FHIT: variants seen among roughly 807,000 people sequenced by gnomAD.
The protein encoded by FHIT is bis(5'-adenosyl)-triphosphatase.
Under a neutral mutation model 17.9 loss-of-function variants are expected in FHIT, and 19 were observed. The ratio of observed to expected loss-of-function variants is 1.06; its 90% CI spans 0.74 to 1.56. The LOEUF is 1.56. Ranked by LOEUF, FHIT falls within the 40% of genes most tolerant of loss-of-function variation. The pLI, the probability that FHIT is intolerant of heterozygous loss-of-function variation, is 0.00. For synonymous variants in FHIT, 81 were observed against 69.7 expected, an observed-to-expected ratio of 1.16 and a Z score of -0.81; for missense variants, 248 against 189.2, an observed-to-expected ratio of 1.31 and a Z score of -1.82.
At chr3:61,149,290 C>T (rs967651600) in intron 2 of FHIT, among the ~76,000 whole-genome samples, 1 of 152,026 alleles carries the variant, frequency 6.6e-6, no homozygotes, top group Admixed American at 6.6e-5. Flanking sequence ...ATGACAAGGA[C>T]AACCTTCTGA....
intron 2 of FHIT, among the ~76,000 whole-genome samples, chr3:61,126,055 C>T (rs903659821): frequency 1.3e-5 from 2 of 152,112 alleles, no homozygotes; most frequent in Admixed American, 6.5e-5. Context: ...GGAGCTGGGG[C>T]TGGGTTGGGA....
chr3:61,034,326 A>G (rs78352990), intron 3 of FHIT, among the ~76,000 whole-genome samples: 1 of 152,246 alleles, frequency 6.6e-6, no homozygotes, highest in South Asian at 2.1e-4. Context: ...ATGAAAAGAC[A>G]ATCTACAGAG....
At chr3:60,129,049 G>GTTTTTTTTTTTTTTTT (rs1553692328) in intron 5 of FHIT, among the ~76,000 whole-genome samples, 2 of 121,042 alleles carry the variant, frequency 1.7e-5, no homozygotes, top group Non-Finnish European at 1.6e-5. Flanking sequence ...TTCCTTTTTT[G>GTTTTTTTTTTTTTTTT]TTTGTTTTTT....
intron 5 of FHIT, among the ~76,000 whole-genome samples, chr3:60,390,995 C>G (rs1223678176): frequency 6.6e-6 from 1 of 152,054 alleles, no homozygotes; most frequent in Non-Finnish European, 1.5e-5. Flanking sequence ...GCCTGGCCAA[C>G]ATGGTGAAAC....
At chr3:60,504,333 C>T (rs551832452) in intron 5 of FHIT, among the ~76,000 whole-genome samples, 121 of 152,028 alleles carry the variant, frequency 8.0e-4, no homozygotes, top group African/African-American at 2.8e-3. Context: ...ACTCGGGAGG[C>T]TGAGGCAGGA....
At chr3:60,483,688 A>G (rs1447352598) in intron 5 of FHIT, among the ~76,000 whole-genome samples, 25 of 152,194 alleles carry the variant, frequency 1.6e-4, no homozygotes, top group Admixed American at 1.4e-3. Flanking sequence ...TCAAAATAAT[A>G]AGAGCTACTT....
intron 3 of FHIT, among the ~76,000 whole-genome samples, chr3:61,041,022 G>A (rs2033484018): frequency 6.6e-6 from 1 of 152,034 alleles, no homozygotes; most frequent in Non-Finnish European, 1.5e-5. Context: ...TATGCATCTT[G>A]GACACTGGAT....
chr3:60,812,829 T>G (rs1701613915), intron 4 of FHIT, among the ~76,000 whole-genome samples: 1 of 152,184 alleles, frequency 6.6e-6, no homozygotes, highest in African/African-American at 2.4e-5. Flanking sequence ...GATTCAGATT[T>G]GAAGGCTGGC....
intron 5 of FHIT, among the ~76,000 whole-genome samples, chr3:60,272,405 C>A (rs1445032301): frequency 6.6e-6 from 1 of 152,060 alleles, no homozygotes; most frequent in African/African-American, 2.4e-5. Context: ...GAGATAGAGA[C>A]CAGATTATAG....
chr3:61,125,945 C>A (rs1373688886), intron 2 of FHIT, among the ~76,000 whole-genome samples: 2 of 152,132 alleles, frequency 1.3e-5, no homozygotes, highest in Non-Finnish European at 2.9e-5. Context: ...TATTACCTAT[C>A]CAATTTTATA....
intron 5 of FHIT, among the ~76,000 whole-genome samples, chr3:60,188,951 T>C (rs1702280264): frequency 6.6e-6 from 1 of 152,100 alleles, no homozygotes; most frequent in Non-Finnish European, 1.5e-5. Context: ...AGGACACTAA[T>C]ATGAGCACTG....
intron 2 of FHIT, among the ~76,000 whole-genome samples, chr3:61,061,627 T>G (rs1042434300): frequency 2.0e-5 from 3 of 152,100 alleles, no homozygotes; most frequent in Non-Finnish European, 4.4e-5. Flanking sequence ...AGCTCAGCAA[T>G]GATGCAGGCA....
At chr3:60,478,854 G>A (rs562857283) in intron 5 of FHIT, among the ~76,000 whole-genome samples, 1 of 152,190 alleles carries the variant, frequency 6.6e-6, no homozygotes. Context: ...GACACAGAGA[G>A]TATAATCACA....
At chr3:61,125,362 A>G (rs1447772189) in intron 2 of FHIT, among the ~76,000 whole-genome samples, 1 of 152,220 alleles carries the variant, frequency 6.6e-6, no homozygotes, top group Non-Finnish European at 1.5e-5. Flanking sequence ...GATAGAATAG[A>G]TATTTGAAAT....
chr3:60,191,590 C>CA (rs1051174744), intron 5 of FHIT, among the ~76,000 whole-genome samples: 2 of 152,076 alleles, frequency 1.3e-5, no homozygotes, highest in Non-Finnish European at 2.9e-5. Flanking sequence ...CTCAAACACA[C>CA]AGAAAAGTAG....
intron 5 of FHIT, among the ~76,000 whole-genome samples, chr3:60,177,914 A>G (rs887856399): frequency 6.6e-6 from 1 of 152,180 alleles, no homozygotes; most frequent in African/African-American, 2.4e-5. Flanking sequence ...TCAAGTCCCA[A>G]AGTATTTTGA....
chr3:61,130,372 G>T (rs973164422), intron 2 of FHIT, among the ~76,000 whole-genome samples: 2 of 152,112 alleles, frequency 1.3e-5, no homozygotes, highest in Admixed American at 1.3e-4. Context: ...TCAGTGCTTC[G>T]TTTAACTTGT....
At chr3:60,071,405 A>G (rs1280042981) in intron 5 of FHIT, among the ~76,000 whole-genome samples, 1 of 152,170 alleles carries the variant, frequency 6.6e-6, no homozygotes, top group Non-Finnish European at 1.5e-5. Flanking sequence ...AGTGGCTTGC[A>G]TCATATTTCT....
At chr3:60,092,200 GAATA>G (rs1309742956) in intron 5 of FHIT, among the ~76,000 whole-genome samples, 3 of 152,186 alleles carry the variant, frequency 2.0e-5, no homozygotes, top group African/African-American at 7.2e-5. Flanking sequence ...ATGAATGAAA[GAATA>G]AATGATTATA....
Sources: gnomAD v4.1 joint callset for allele counts (sites outside exome capture counted in the v4.1 genomes callset) on GRCh38, gnomAD v4.1.1 for gene constraint, MANE v1.5 for transcripts, NCBI Gene and HGNC (gene_info 2026-07-23, HGNC 2026-07-21) for gene names.